Variants in SMOX observed in about 807,000 individuals in gnomAD.
SMOX encodes the protein flavin containing amine oxidase.
Under a neutral mutation model 51.0 loss-of-function variants are expected in SMOX, and 22 were observed. The observed-to-expected ratio is 0.43, with a 90% CI of 0.31 to 0.62. SMOX has a LOEUF of 0.62. Among genes scored for constraint, SMOX ranks in the 20% least tolerant of loss-of-function variants. The pLI, the probability that SMOX is intolerant of heterozygous loss-of-function variation, is 0.10. For synonymous variants in SMOX, 282 were observed against 307.8 expected, an observed-to-expected ratio of 0.92 and a Z score of 0.88; for missense variants, 566 against 777.7, an observed-to-expected ratio of 0.73 and a Z score of 3.24.
chr20:4,150,477 G>C (rs79723947), intron 1 of SMOX, among the ~76,000 whole-genome samples: 5,124 of 152,230 alleles, frequency 0.034, 165 homozygotes, highest in East Asian at 0.11. Context: ...CTTTTTCTTA[G>C]ACTTCTTTTC....
chr20:4,158,099 A>T (rs1444070039), intron 1 of SMOX, among the ~76,000 whole-genome samples: 5 of 148,700 alleles, frequency 3.4e-5, no homozygotes, highest in South Asian at 2.2e-4. Flanking sequence ...ATGGTGTTTC[A>T]CCTTGTTAGC....
chr20:4,165,906 A>G (rs1986551890), intron 1 of SMOX, among the ~76,000 whole-genome samples: 1 of 152,178 alleles, frequency 6.6e-6, no homozygotes, highest in Non-Finnish European at 1.5e-5. Context: ...CTGGAATCTG[A>G]GGGGAAGAAT....
At position 4,177,651 on chromosome 20, in the gene SMOX, C is replaced by G. The variant is rs180678973; in HGVS notation, c.435+74C>G. ...GAGGTCTGTGATTCTGGTCGTGTCT[C>G]TGCACACTCCCTGGGCCTTGCATTT... On this transcript the variant is annotated intron_variant, in intron 3 of 6. Transcript: ENST00000305958. The surrounding 1 kb of genome is among the most constrained non-coding windows in gnomAD (Gnocchi z 4.3). 1.8e-5 allele frequency: 25 copies of G among 1,364,556 alleles called. No individual in the cohort carries two copies. In the African/African-American group the frequency reaches 3.4e-4, roughly 19 times the overall value. The allele number at this position is 1,364,556 out of a possible 1,614,324, so 84.5% of individuals were successfully genotyped here.
chr20:4,184,491 C>T (rs1440630470), intron 6 of SMOX, among the ~76,000 whole-genome samples: 1 of 99,038 alleles, frequency 1.0e-5, no homozygotes, highest in East Asian at 2.8e-4. Flanking sequence ...AATATGCCAA[C>T]TGTACACTAA....
Position 4,166,290 on chromosome 20 carries a change from C to CT in SMOX, c.-26-8739dup, listed in dbSNP as rs1322885084. Among the ~76,000 whole-genome samples the CT allele has an allele frequency of 6.6e-6, 1 of 152,168 alleles. No homozygotes were observed. The highest frequency in any genetic ancestry group is 6.5e-5 in the Admixed American group (1 of 15,278). On this transcript the variant is annotated intron_variant, in intron 1 of 6. Coordinates refer to ENST00000305958, the MANE Select transcript of SMOX (RefSeq NM_175839.3). The surrounding 1 kb of genome is among the most constrained non-coding windows in gnomAD (Gnocchi z 4.2). ...TGTTCTGGCCCATCTCTACCTGTGT[C>CT]TCTCTCTGATACTGTCATCAAGGCC... is the stretch of plus-strand genomic sequence containing the variant.
rs775725835 is a variant in SMOX at position 4,187,347 on chromosome 20, C to T, written c.1608C>T (p.Gly536=). The T allele has an allele frequency of 3.1e-6, 5 of 1,614,220 alleles. No homozygotes were observed. The Admixed American group carries it at 8.3e-5, about 27-fold the overall frequency. ...YSTTHGALLS[G]QREAARLIEM... ...CCACCCACGGTGCTCTGCTGTCCGGCCAGCGTGAGGCTGCCCGCCTCATTG... is the reference window on the plus strand; with the variant it reads ...CCACCCACGGTGCTCTGCTGTCCGGTCAGCGTGAGGCTGCCCGCCTCATTG... Residue 536 remains glycine, a synonymous_variant, in exon 7 of 7, where the codon GGC becomes GGT. Transcript: ENST00000305958. The surrounding 1 kb of genome is among the most constrained non-coding windows in gnomAD (Gnocchi z 4.8).
Position 4,177,688 on chromosome 20 carries a change from A to G in SMOX, c.435+111A>G, listed in dbSNP as rs1978983400. The G allele has an allele frequency of 2.1e-6, 2 of 946,868 alleles. No homozygotes were observed. The highest frequency in any genetic ancestry group is 3.1e-6 in the Non-Finnish European group (2 of 635,014). The allele number at this position is 946,868 out of a possible 1,614,324, so 58.7% of individuals were successfully genotyped here. ...TGGGCCTTGCATTTGGAAAACCAGGATAATGTGAGGGTAAAATGAAAATAT... is the reference window on the plus strand; with the variant it reads ...TGGGCCTTGCATTTGGAAAACCAGGGTAATGTGAGGGTAAAATGAAAATAT... On this transcript the variant is annotated intron_variant, in intron 3 of 6. Coordinates refer to ENST00000305958, the MANE Select transcript of SMOX (RefSeq NM_175839.3). The surrounding 1 kb of genome is among the most constrained non-coding windows in gnomAD (Gnocchi z 4.3).
chr20:4,181,238 C>T lies in SMOX; in HGVS notation c.436-565C>T, dbSNP rs1979295901. Among the ~76,000 whole-genome samples the T allele has an allele frequency of 6.6e-6, 1 of 152,196 alleles. No individual in the cohort carries two copies. The highest frequency in any genetic ancestry group is 1.5e-5 in the Non-Finnish European group (1 of 68,034). ...TCCCCACTGCGTCTCAGCTTCCTTA[C>T]TCGTGGCTGAGGCCTGAAGCAAAGG... On this transcript the variant is annotated intron_variant, in intron 3 of 6. Coordinates refer to ENST00000305958, the MANE Select transcript of SMOX (RefSeq NM_175839.3). The surrounding 1 kb of genome is among the most constrained non-coding windows in gnomAD (Gnocchi z 5.6).
chr20:4,165,203 G>C (rs369709993), intron 1 of SMOX, among the ~76,000 whole-genome samples: 2 of 151,716 alleles, frequency 1.3e-5, no homozygotes, highest in Non-Finnish European at 2.9e-5. Flanking sequence ...TAACAGGCAC[G>C]TGCCACCACA....
rs370446020 is a variant in SMOX, at chr20:4,166,012, T to G, written c.-26-9018T>G. On this transcript the variant is annotated intron_variant, in intron 1 of 6. Coordinates refer to ENST00000305958, the MANE Select transcript of SMOX (RefSeq NM_175839.3). This position sits in a 1 kb window ranked among gnomAD's most constrained non-coding sequence, Gnocchi z 4.2. Reference sequence around the variant, plus strand: ...AAGATGGGAAGCAAGGCATGGGGTGTGAGAAACCTGGAGGTGGAAACTTAG... The same window carrying G: ...AAGATGGGAAGCAAGGCATGGGGTGGGAGAAACCTGGAGGTGGAAACTTAG... 6.6e-6 allele frequency among the ~76,000 whole-genome samples: 1 copy of G among 152,108 alleles called. No individual in the cohort carries two copies.
At position 4,177,298 on chromosome 20, in the gene SMOX, C is replaced by A; in HGVS notation, c.209-53C>A. ...AGGAAGGAGGGGGAAGCAGTGCTGGCCCTCTCTGGAGAAGTCCCTAAGCCT... is the reference window on the plus strand; with the variant it reads ...AGGAAGGAGGGGGAAGCAGTGCTGGACCTCTCTGGAGAAGTCCCTAAGCCT... On this transcript the variant is annotated intron_variant, in intron 2 of 6. Transcript: ENST00000305958. The surrounding 1 kb of genome is among the most constrained non-coding windows in gnomAD (Gnocchi z 4.3). 6.8e-7 allele frequency: 1 copy of A among 1,465,216 alleles called. No individual in the cohort carries two copies. The highest frequency in any genetic ancestry group is 9.3e-7 in the Non-Finnish European group (1 of 1,070,830). 90.8% of individuals were successfully genotyped at this position (1,465,216 alleles called of 1,614,324 possible).
chr20:4,150,976 C>A (rs1159840704), intron 1 of SMOX, among the ~76,000 whole-genome samples: 1 of 152,068 alleles, frequency 6.6e-6, no homozygotes, highest in African/African-American at 2.4e-5. Flanking sequence ...AGATTACAGG[C>A]ATGCGCCACC....
At chr20:4,168,537 A>G (rs1420818483) in intron 1 of SMOX, among the ~76,000 whole-genome samples, 1 of 150,734 alleles carries the variant, frequency 6.6e-6, no homozygotes, top group East Asian at 1.9e-4. Context: ...AGAGATGGGT[A>G]GGAGTTTTGT....
chr20:4,186,990 C>T (rs1035358016), intron 6 of SMOX, among the ~76,000 whole-genome samples: 2 of 152,186 alleles, frequency 1.3e-5, no homozygotes, highest in Admixed American at 1.3e-4. Context: ...GGAGGTTAAA[C>T]CACCTGCCTC....
intron 1 of SMOX, among the ~76,000 whole-genome samples, chr20:4,152,027 C>T (rs1985789872): frequency 6.6e-6 from 1 of 152,148 alleles, no homozygotes; most frequent in Non-Finnish European, 1.5e-5. Flanking sequence ...TCCACAAAAG[C>T]AACTGTGCAG....
chr20:4,183,359 C>A lies in SMOX; in HGVS notation c.1370-135C>A. ...CAGCCTCCCTCCTTCCTCTTCTATC[C>A]TCCGTGCCTACCCCTGGCAGTCTGG... On this transcript the variant is annotated intron_variant, in intron 5 of 6. Coordinates refer to ENST00000305958, the MANE Select transcript of SMOX (RefSeq NM_175839.3). The surrounding 1 kb of genome is among the most constrained non-coding windows in gnomAD (Gnocchi z 4.3). The A allele has an allele frequency of 7.6e-7, 1 of 1,321,664 alleles. No individual in the cohort carries two copies. Among genetic ancestry groups the A allele is most frequent in the Non-Finnish European group, 1.1e-6 (1 of 926,758 alleles). The allele number at this position is 1,321,664 out of a possible 1,614,324, so 81.9% of individuals were successfully genotyped here.
chr20:4,160,966 T>C (rs377438035), intron 1 of SMOX, among the ~76,000 whole-genome samples: 12 of 152,172 alleles, frequency 7.9e-5, no homozygotes, highest in Non-Finnish European at 1.5e-4. Context: ...TGAAGCACAG[T>C]TGGGCTTTGT....
At chr20:4,176,975 G>T (rs896188706) in intron 2 of SMOX, among the ~76,000 whole-genome samples, 3 of 152,184 alleles carry the variant, frequency 2.0e-5, no homozygotes, top group African/African-American at 7.2e-5. Flanking sequence ...ATTGAAAAAG[G>T]CCAGGTGGGG....
In SMOX at chr20:4,183,432, C is replaced by T; in HGVS notation, c.1370-62C>T. ...GGGTGGGGGGTTGTCCCTTTGGGGT[C>T]ATCTTCCATATGCAGCCATTTCTTA... On this transcript the variant is annotated intron_variant, in intron 5 of 6. Coordinates refer to ENST00000305958, the MANE Select transcript of SMOX (RefSeq NM_175839.3). This position sits in a 1 kb window ranked among gnomAD's most constrained non-coding sequence, Gnocchi z 4.3. The T allele has an allele frequency of 6.2e-7, 1 of 1,612,528 alleles. No individual in the cohort carries two copies. The highest frequency in any genetic ancestry group is 8.5e-7 in the Non-Finnish European group (1 of 1,179,060).
Sources: gnomAD v4.1 joint callset for allele counts (sites outside exome capture counted in the v4.1 genomes callset) on GRCh38, gnomAD v4.1.1 for gene constraint, Gnocchi (gnomAD v3.1) non-coding constraint, MANE v1.5 for transcripts, NCBI Gene and HGNC (gene_info 2026-07-23, HGNC 2026-07-21) for gene names.